Variants in WIPI1 observed in about 807,000 individuals in gnomAD.
WIPI1 encodes the protein WD repeat domain, phosphoinositide interacting 1.
Under a neutral mutation model 55.3 loss-of-function variants are expected in WIPI1, and 45 were observed. The ratio of observed to expected loss-of-function variants is 0.81; its 90% CI spans 0.64 to 1.04. The LOEUF is 1.04. WIPI1 is among the 50% of genes least tolerant of loss of function. The pLI is 0.00. For missense variants in WIPI1, 445 were observed against 559.0 expected, an observed-to-expected ratio of 0.80 and a Z score of 2.06; for synonymous variants, 195 against 217.6, an observed-to-expected ratio of 0.90 and a Z score of 0.92.
At chr17:68,425,135 G>C (rs2147726281) in intron 12 of WIPI1, among the ~76,000 whole-genome samples, 1 of 152,290 alleles carries the variant, frequency 6.6e-6, no homozygotes, top group South Asian at 2.1e-4. Context: ...CAGGTTGCTG[G>C]GAAACCCAGC....
At chr17:68,439,460 T>A (rs758639676) in intron 4 of WIPI1, among the ~76,000 whole-genome samples, 40 of 152,068 alleles carry the variant, frequency 2.6e-4, no homozygotes, top group Non-Finnish European at 5.4e-4. Flanking sequence ...GAAAGTAGAT[T>A]AGGGGTTGCC....
At chr17:68,424,411 G>C (rs1223501134) in intron 12 of WIPI1, 1 of 533,578 alleles carries the variant, frequency 1.9e-6, no homozygotes, top group Non-Finnish European at 3.9e-6. Flanking sequence ...CCACGGATCT[G>C]CGGGAGAAAG....
rs982119499 is a variant in WIPI1 at position 68,434,065 on chromosome 17, C to T, written c.693-490G>A. Among the ~76,000 whole-genome samples, 5 of 152,108 alleles carry T rather than the reference C, an allele frequency of 3.3e-5. No individual in the cohort carries two copies. In the East Asian group the frequency reaches 5.8e-4, roughly 18 times the overall value. On this transcript the variant is annotated intron_variant, in intron 7 of 12. Transcript: ENST00000262139. Reference sequence around the variant, plus strand: ...GATTACAGACGTGAGCCACCGCGCCCGGCCCATAGTCTTATTTATGTGAGA... The same window carrying T: ...GATTACAGACGTGAGCCACCGCGCCTGGCCCATAGTCTTATTTATGTGAGA...
At chr17:68,447,588 G>A (rs567471475) in intron 3 of WIPI1, among the ~76,000 whole-genome samples, 35 of 151,976 alleles carry the variant, frequency 2.3e-4, no homozygotes, top group Middle Eastern at 3.4e-3. Context: ...ACTAGGTCTC[G>A]TTACATTGCC....
At chr17:68,452,638 T>C (rs1170370548) in intron 2 of WIPI1, among the ~76,000 whole-genome samples, 1 of 152,228 alleles carries the variant, frequency 6.6e-6, no homozygotes, top group African/African-American at 2.4e-5. Context: ...ACTGTGCATA[T>C]AAGCATGTGA....
At chr17:68,454,776 T>C (rs921285863) in intron 1 of WIPI1, among the ~76,000 whole-genome samples, 2 of 152,248 alleles carry the variant, frequency 1.3e-5, no homozygotes, top group African/African-American at 4.8e-5. Flanking sequence ...AGGAAAGAAA[T>C]ACTGTAACTA....
intron 5 of WIPI1, 84 bp downstream of exon 5, chr17:68,436,298 C>T (rs1412335565): frequency 1.6e-5 from 20 of 1,273,538 alleles, no homozygotes; most frequent in Middle Eastern, 4.0e-4. Context: ...CAGCCCCCGA[C>T]GGCAGGGCGT....
Position 68,423,264 on chromosome 17 carries a change from C to T in WIPI1, c.1294-1444G>A, listed in dbSNP as rs1165684251. Among the ~76,000 whole-genome samples the T allele has an allele frequency of 9.2e-5, 14 of 152,216 alleles. 1 individual carries two copies. The highest frequency in any genetic ancestry group is 7.9e-4 in the Admixed American group (12 of 15,284). ...AGAGAGGAAGTTCCCTAGCATCCCT[C>T]GCTGAACATTTCTGCCAATTCAGGC... On this transcript the variant is annotated intron_variant, in intron 12 of 12. Coordinates refer to ENST00000262139, the MANE Select transcript of WIPI1 (RefSeq NM_017983.7). This position sits in a 1 kb window ranked among gnomAD's most constrained non-coding sequence, Gnocchi z 4.4.
intron 8 of WIPI1, among the ~76,000 whole-genome samples, chr17:68,431,866 T>C (rs1007456738): frequency 1.5e-5 from 1 of 67,216 alleles, no homozygotes; most frequent in Non-Finnish European, 3.1e-5. Context: ...AAAATCAATC[T>C]CTGATAATAA....
chr17:68,421,706 G>A lies in WIPI1; in HGVS notation c.*67C>T, dbSNP rs143863161. ...TCACACAATTGCACTCCATTCTTCCGCCTTCCTTGTTTTCTCCAAAACCAC... is the reference window on the plus strand; with the variant it reads ...TCACACAATTGCACTCCATTCTTCCACCTTCCTTGTTTTCTCCAAAACCAC... On this transcript the variant is annotated 3_prime_UTR_variant, in exon 13 of 13. Transcript: ENST00000262139. 3,900 of 1,607,860 alleles carry A rather than the reference G, an allele frequency of 2.4e-3. 43 individuals are homozygous for A. In the African/African-American group the frequency reaches 0.03, roughly 12 times the overall value.
At chr17:68,434,204 A>T (rs1006567756) in intron 7 of WIPI1, among the ~76,000 whole-genome samples, 1 of 152,146 alleles carries the variant, frequency 6.6e-6, no homozygotes, top group Non-Finnish European at 1.5e-5. Flanking sequence ...CCTACATCCG[A>T]TAAGATCCCA....
In WIPI1 at chr17:68,427,208, G is replaced by A. The variant is rs757189083; in HGVS notation, c.1119C>T (p.Leu373=). The change falls in exon 11 of 13, where the codon CTC becomes CTT. Residue 373 remains leucine (L), a synonymous_variant. Coordinates refer to ENST00000262139, the MANE Select transcript of WIPI1 (RefSeq NM_017983.7). ...CATAAGACTGAGGTAAGGAAGGTCT[G>A]AGGTCATTTTCTTTATTCTCTTCTG... The part of the protein sequence containing the change: ...GTTEENKEND[L]RPSLPQSYAA... 6.2e-7 allele frequency: 1 copy of A among 1,614,212 alleles called. No individual in the cohort carries two copies. Among genetic ancestry groups the A allele is most frequent in the Non-Finnish European group, 8.5e-7 (1 of 1,180,032 alleles).
intron 1 of WIPI1, among the ~76,000 whole-genome samples, chr17:68,454,474 A>G (rs188595372): frequency 6.6e-6 from 1 of 152,304 alleles, no homozygotes; most frequent in East Asian, 1.9e-4. Context: ...GGGCAACTAC[A>G]GTAAACTTTT....
intron 7 of WIPI1, 134 bp downstream of exon 7, chr17:68,434,422 G>C: frequency 1.2e-6 from 1 of 823,272 alleles, no homozygotes; most frequent in East Asian, 2.8e-5. Flanking sequence ...TCAATTACCT[G>C]GGAGAGTAGT....
intron 2 of WIPI1, among the ~76,000 whole-genome samples, chr17:68,451,603 C>G (rs749022248): frequency 2.0e-5 from 3 of 152,188 alleles, no homozygotes; most frequent in Non-Finnish European, 4.4e-5. Context: ...TACCCTTTCC[C>G]TGAGAGATTT....
chr17:68,433,760 G>GTTGTTT, intron 7 of WIPI1, among the ~76,000 whole-genome samples, 185 bp from the exon 8 acceptor site: 1 of 72,822 alleles, frequency 1.4e-5, no homozygotes, highest in Admixed American at 1.8e-4. Context: ...AAGGGTCATA[G>GTTGTTT]TTTTTTTTTT....
chr17:68,456,537 CTGCAGA>C (rs1010736310), intron 1 of WIPI1, among the ~76,000 whole-genome samples: 1 of 152,204 alleles, frequency 6.6e-6, no homozygotes, highest in Non-Finnish European at 1.5e-5. Flanking sequence ...TCACAGAATC[CTGCAGA>C]TGCCTGAAAC....
chr17:68,437,947 TTAAAAAA>T (rs1327938042), intron 4 of WIPI1, among the ~76,000 whole-genome samples: 8 of 58,784 alleles, frequency 1.4e-4, no homozygotes, highest in Admixed American at 4.4e-4. Flanking sequence ...GACATCTCTC[TTAAAAAA>T]AAAAAAAAAA....
intron 9 of WIPI1, among the ~76,000 whole-genome samples, chr17:68,429,777 C>T (rs1250172317): frequency 2.6e-5 from 4 of 152,068 alleles, no homozygotes; most frequent in African/African-American, 7.2e-5. Context: ...TTAGTAGAGA[C>T]GGGATTTCAC....
Sources: allele counts gnomAD v4.1 joint callset (sites outside exome capture counted in the v4.1 genomes callset), GRCh38; gene constraint gnomAD v4.1.1; non-coding constraint Gnocchi (gnomAD v3.1); transcripts MANE v1.5; gene names NCBI Gene and HGNC (gene_info 2026-07-23, HGNC 2026-07-21).